The following CACNA1H variants were observed in gnomAD, a reference collection of about 807,000 sequenced individuals.
The protein encoded by CACNA1H is voltage-dependent T-type calcium channel subunit alpha-1H.
A neutral mutation model predicts 192.5 loss-of-function variants in CACNA1H; 149 were observed. The observed-to-expected ratio is 0.77, with a 90% CI of 0.68 to 0.89. The LOEUF (loss-of-function observed/expected upper bound fraction) is 0.89. Ranked by LOEUF, CACNA1H falls within the 40% of genes least tolerant of loss-of-function variation. The pLI, the probability that CACNA1H is intolerant of heterozygous loss-of-function variation, is 0.00. For synonymous variants in CACNA1H, 2,202 were observed against 1,475.2 expected, an observed-to-expected ratio of 1.49 and a Z score of -11.29; for missense variants, 4,257 against 3,423.5, an observed-to-expected ratio of 1.24 and a Z score of -6.08.
At chr16:1,160,062 C>G (rs1232210201) in intron 2 of CACNA1H, 2 of 152,368 alleles carry the variant, frequency 1.3e-5, no homozygotes, top group African/African-American at 4.8e-5. Flanking sequence ...GGGGATGGAT[C>G]CACAGCAGCT....
At chr16:1,160,983 G>A (rs1596295618) in intron 2 of CACNA1H, among the ~76,000 whole-genome samples, 1 of 152,300 alleles carries the variant, frequency 6.6e-6, no homozygotes, top group East Asian at 1.9e-4. Flanking sequence ...TGAGAGCAGG[G>A]CTGGCAGGGA....
At chr16:1,210,338 G>GCCCCCCCCCC in intron 18 of CACNA1H, 32 bp from the exon 19 acceptor site, 2 of 296,992 alleles carry the variant, frequency 6.7e-6, no homozygotes, top group Non-Finnish European at 1.1e-5. Context: ...ACGCCGCCCC[G>GCCCCCCCCCC]CCCCACCTCT....
rs899226935 is a variant in CACNA1H, at chr16:1,221,030, G to A, written c.*36G>A. The stretch of plus-strand genomic sequence containing the variant: ...GGTGCCGCCCACGGCTTTGGCCCTG[G>A]GGTCTGGGGGCCCCGCTGGGGTGGA... On this transcript the variant is annotated 3_prime_UTR_variant, in exon 35 of 35. Coordinates refer to ENST00000348261, the MANE Select transcript of CACNA1H (RefSeq NM_021098.3). 2 of 1,497,742 alleles carry A rather than the reference G, an allele frequency of 1.3e-6. No individual in the cohort carries two copies. The highest frequency in any genetic ancestry group is 1.4e-5 in the African/African-American group (1 of 70,904). 92.8% of individuals were successfully genotyped at this position (1,497,742 alleles called of 1,614,324 possible).
At chr16:1,213,467 G>A (rs1438330507) in intron 26 of CACNA1H, among the ~76,000 whole-genome samples, 3 of 152,090 alleles carry the variant, frequency 2.0e-5, no homozygotes, top group Non-Finnish European at 4.4e-5. Context: ...GCTGCCTGGC[G>A]CAACCGCGTT....
intron 18 of CACNA1H, 37 bp from the exon 19 acceptor site, chr16:1,210,333 G>GCCCCCCCCCCCCCCTCCCCCC: frequency 7.6e-7 from 1 of 1,320,232 alleles, no homozygotes; most frequent in Non-Finnish European, 1.0e-6. Context: ...CATCCACGCC[G>GCCCCCCCCCCCCCCTCCCCCC]CCCCGCCCCA....
chr16:1,195,146 C>T lies in CACNA1H; in HGVS notation c.411+63C>T, dbSNP rs545730227. The T allele has an allele frequency of 4.6e-3, 647 of 141,252 alleles. 4 individuals carry two copies. In the African/African-American group the frequency reaches 0.053, roughly 12 times the overall value. 8.7% of individuals were successfully genotyped at this position (141,252 alleles called of 1,614,324 possible). On this transcript the variant is annotated intron_variant, in intron 3 of 34. Coordinates refer to ENST00000348261, the MANE Select transcript of CACNA1H (RefSeq NM_021098.3). ...TCGCTACGAGGTTTATGGTTCAAGG[C>T]GGAGTGGGGCGGGGGCGGGGCAAGG...
At chr16:1,219,288 A>G (rs1410578824) in intron 34 of CACNA1H, among the ~76,000 whole-genome samples, 158 bp downstream of exon 34, 1 of 152,058 alleles carries the variant, frequency 6.6e-6, no homozygotes. Context: ...TGCTTGGTGG[A>G]TCTTGGAGCA....
rs535536985 is a variant in CACNA1H at position 1,200,145 on chromosome 16, C to T, written c.804-111C>T. Reference sequence around the variant, plus strand: ...ACCATGATTAGTCCACTGGCCCTGACCCTGATCACGTCCCTGACCTTGATC... The same window carrying T: ...ACCATGATTAGTCCACTGGCCCTGATCCTGATCACGTCCCTGACCTTGATC... On this transcript the variant is annotated intron_variant, in intron 6 of 34. Transcript: ENST00000348261. The T allele has an allele frequency of 1.9e-4, 165 of 880,326 alleles. No homozygotes were observed. In the African/African-American group the frequency reaches 2.1e-3, roughly 11 times the overall value. 54.5% of individuals were successfully genotyped at this position (880,326 alleles called of 1,614,324 possible).
At chr16:1,183,654 G>A (rs973251323) in intron 2 of CACNA1H, among the ~76,000 whole-genome samples, 1 of 152,258 alleles carries the variant, frequency 6.6e-6, no homozygotes, top group Non-Finnish European at 1.5e-5. Context: ...CTCAGGGCAG[G>A]CTCTGGAGCT....
chr16:1,183,912 C>T (rs565824775), intron 2 of CACNA1H, among the ~76,000 whole-genome samples: 3 of 152,360 alleles, frequency 2.0e-5, no homozygotes, highest in East Asian at 3.9e-4. Context: ...CCTCCTGGAT[C>T]GGTTAATTAA....
At chr16:1,160,263 C>T (rs1441590340) in intron 2 of CACNA1H, 4 of 152,384 alleles carry the variant, frequency 2.6e-5, no homozygotes, top group African/African-American at 9.6e-5. Flanking sequence ...AGAGGAGTCT[C>T]TCCTCAGTGG....
Position 1,211,698 on chromosome 16 carries a change from C to T in CACNA1H, c.4477-18C>T, listed in dbSNP as rs1187074732. On this transcript the variant is annotated intron_variant, in intron 23 of 34. Transcript: ENST00000348261. ...CCCAGCTCTAACCCTCGCCAGTGAC[C>T]CTGGCTCTGGCCCTCAGGCCCTGAT... 3.1e-6 allele frequency: 5 copies of T among 1,612,024 alleles called. No individual in the cohort carries two copies. The South Asian group carries it at 3.3e-5, about 11-fold the overall frequency.
chr16:1,184,289 T>C (rs903636830), intron 2 of CACNA1H, among the ~76,000 whole-genome samples: 9 of 152,222 alleles, frequency 5.9e-5, no homozygotes, highest in Admixed American at 3.3e-4. Context: ...TTGAAAGCTT[T>C]GGGCCTTACT....
At chr16:1,215,811 A>G (rs1247910205) in intron 30 of CACNA1H, among the ~76,000 whole-genome samples, 2 of 152,228 alleles carry the variant, frequency 1.3e-5, no homozygotes, top group East Asian at 3.9e-4. Context: ...GGCAAGACTC[A>G]TAACCGGGGC....
rs372857189 is a variant in CACNA1H, at chr16:1,200,420, C to G, written c.968C>G (p.Thr323Arg). The G allele has an allele frequency of 6.8e-6, 11 of 1,609,260 alleles. No homozygotes were observed. The highest frequency in any genetic ancestry group is 5.3e-5 in the African/African-American group (4 of 74,888). The change falls in exon 7 of 35, where the codon ACG becomes AGG. Residue 323 changes from threonine to arginine, a missense_variant. Thr to Arg is a moderately conservative substitution (Grantham distance 71). Coordinates refer to ENST00000348261, the MANE Select transcript of CACNA1H (RefSeq NM_021098.3). ...MPCTLGWEAYTQPQAEGVGAA... is the reference protein window; with the variant it reads ...MPCTLGWEAYRQPQAEGVGAA... Reference sequence around the variant, plus strand: ...TGCACCCTGGGCTGGGAGGCCTACACGCAGCCGCAGGCCGAGGGGGTGGGC... The same window carrying G: ...TGCACCCTGGGCTGGGAGGCCTACAGGCAGCCGCAGGCCGAGGGGGTGGGC...
rs556002205 is a variant in CACNA1H, at chr16:1,159,341, A to C, written c.299+5305A>C. On this transcript the variant is annotated intron_variant, in intron 2 of 34. Transcript: ENST00000348261. ...TGCGGGAGGAGGCGTTCGGACTGAG[A>C]CCTGGATGGGGTGTGCCGAGGGAAG... is the stretch of plus-strand genomic sequence containing the variant. Among the ~76,000 whole-genome samples, 8 of 151,474 alleles carry C rather than the reference A, an allele frequency of 5.3e-5. No individual in the cohort carries two copies. In the East Asian group the frequency reaches 1.4e-3, roughly 26 times the overall value.
chr16:1,162,644 G>C (rs774393536), intron 2 of CACNA1H, among the ~76,000 whole-genome samples: 3 of 151,824 alleles, frequency 2.0e-5, no homozygotes, highest in Middle Eastern at 6.8e-3. Context: ...TGGAGTGGGG[G>C]GGGGGGGTCC....
chr16:1,216,430 G>C (rs999981344), intron 30 of CACNA1H, among the ~76,000 whole-genome samples: 2 of 151,230 alleles, frequency 1.3e-5, no homozygotes, highest in African/African-American at 4.9e-5. Flanking sequence ...CAAATGCTGG[G>C]GCTGGTGGGT....
At chr16:1,201,618 A>G (rs775706700) in intron 8 of CACNA1H, 45 bp from the exon 9 acceptor site, 2 of 1,510,156 alleles carry the variant, frequency 1.3e-6, no homozygotes, top group Admixed American at 4.0e-5. Flanking sequence ...GGCGAATCAG[A>G]GACTCGCTCA....
Sources: allele counts gnomAD v4.1 joint callset (sites outside exome capture counted in the v4.1 genomes callset), GRCh38; gene constraint gnomAD v4.1.1; transcripts MANE v1.5; gene names NCBI Gene and HGNC (gene_info 2026-07-23, HGNC 2026-07-21).